Variants in ALOX15B observed in about 807,000 individuals in gnomAD.
The protein encoded by ALOX15B is polyunsaturated fatty acid lipoxygenase ALOX15B.
A neutral mutation model predicts 73.8 loss-of-function variants in ALOX15B; 74 were observed. The observed-to-expected ratio is 1.00, with a 90% CI of 0.83 to 1.22. ALOX15B has a LOEUF of 1.22. Ranked by LOEUF, ALOX15B falls within the 50% of genes most tolerant of loss-of-function variation. The probability of loss-of-function intolerance (pLI) is 0.00; values close to 1 mark genes in which losing one functional copy is unlikely to be tolerated. For missense variants in ALOX15B, 896 were observed against 859.9 expected (o/e 1.04, Z -0.52); for synonymous variants, 353 against 357.2 (o/e 0.99, Z 0.13).
At chr17:8,043,787 G>A (rs993906984) in intron 5 of ALOX15B, among the ~76,000 whole-genome samples, 4 of 152,098 alleles carry the variant, frequency 2.6e-5, no homozygotes, top group African/African-American at 7.2e-5. Flanking sequence ...CCCAGGCTCC[G>A]GCTGGGCGCA....
rs770026383 is a variant in ALOX15B at position 8,039,890 on chromosome 17, C to T, written c.368-12C>T. 5.0e-6 allele frequency: 8 copies of T among 1,608,900 alleles called. No individual in the cohort carries two copies. The South Asian group carries it at 8.8e-5, about 18-fold the overall frequency. ...TCTCTCCCCACCCCAACCTACTCCC[C>T]TTCTCCCACAGCCAAGGTGTCCTGG... On this transcript the variant is annotated splice_polypyrimidine_tract_variant and intron_variant, in intron 2 of 13. Transcript: ENST00000380183.
chr17:8,042,351 T>TCCCTCTCTA lies in ALOX15B; in HGVS notation c.450-12_450-4dup. ...CCCTGAGGCCTCTTGCTGACCACCT[T>TCCCTCTCTA]CCCTCTCTACCCTCCAGGTGGAAGG... is the stretch of plus-strand genomic sequence containing the variant. On this transcript the variant is annotated splice_polypyrimidine_tract_variant and intron_variant, in intron 3 of 13. Coordinates refer to ENST00000380183, the MANE Select transcript of ALOX15B (RefSeq NM_001141.3). 1.9e-6 allele frequency: 3 copies of TCCCTCTCTA among 1,613,000 alleles called. No homozygotes were observed. The highest frequency in any genetic ancestry group is 2.5e-6 in the Non-Finnish European group (3 of 1,179,614).
At position 8,043,830 on chromosome 17, in the gene ALOX15B, A is replaced by C. The variant is rs189600270; in HGVS notation, c.676+946A>C. 3.9e-5 allele frequency among the ~76,000 whole-genome samples: 6 copies of C among 152,234 alleles called. No individual in the cohort carries two copies. In the East Asian group the frequency reaches 1.2e-3, roughly 29 times the overall value. On this transcript the variant is annotated intron_variant, in intron 5 of 13. Transcript: ENST00000380183. ...ACACCTGTAATCCCAGCACTTTGGAAGGCCAAGGTAGGTAGATTGCATGAG... is the reference window on the plus strand; with the variant it reads ...ACACCTGTAATCCCAGCACTTTGGACGGCCAAGGTAGGTAGATTGCATGAG...
At chr17:8,044,688 C>A in intron 5 of ALOX15B, 141 bp from the exon 6 acceptor site, 1 of 695,358 alleles carries the variant, frequency 1.4e-6, no homozygotes, top group Non-Finnish European at 2.4e-6. Context: ...AGACAAGGGG[C>A]AGGGGAGGTA....
In ALOX15B at chr17:8,048,579, A is replaced by T. The variant is rs775841262; in HGVS notation, c.*14A>T. On this transcript the variant is annotated 3_prime_UTR_variant, in exon 14 of 14. Coordinates refer to ENST00000380183, the MANE Select transcript of ALOX15B (RefSeq NM_001141.3). ...GTCTCCATCTAAATCCCAGGGGAAC[A>T]CAGGCCCAGATGACATCCCTTTGAC... 6.2e-6 allele frequency: 10 copies of T among 1,611,558 alleles called. No individual in the cohort carries two copies. The highest frequency in any genetic ancestry group is 8.5e-6 in the Non-Finnish European group (10 of 1,178,498).
Position 8,039,286 on chromosome 17 carries a change from A to G in ALOX15B, c.131A>G (p.Glu44Gly), listed in dbSNP as rs774901569. ...PPLPLDNLGK[E>G]FTAGAEEDFQ... ...CTGCCCCTGGACAATCTCGGCAAGGAGTTCACTGCGGGCGCTGTGAGTGCG... is the reference window on the plus strand; with the variant it reads ...CTGCCCCTGGACAATCTCGGCAAGGGGTTCACTGCGGGCGCTGTGAGTGCG... Residue 44 changes from glutamate to glycine, a missense_variant, in exon 1 of 14, where the codon GAG (glutamate) becomes GGG (glycine). Glu to Gly is a moderately conservative substitution (Grantham distance 98). Coordinates refer to ENST00000380183, the MANE Select transcript of ALOX15B (RefSeq NM_001141.3). The G allele has an allele frequency of 6.3e-6, 10 of 1,587,330 alleles. No homozygotes were observed. The South Asian group carries it at 1.2e-4, about 18-fold the overall frequency.
chr17:8,045,500 C>T lies in ALOX15B; in HGVS notation c.1014C>T (p.Gly338=), dbSNP rs1976582634. Residue 338 remains glycine, a synonymous_variant, in exon 8 of 14, where the codon GGC becomes GGT. Coordinates refer to ENST00000380183, the MANE Select transcript of ALOX15B (RefSeq NM_001141.3). The part of the protein sequence containing the change: ...PLAIQLSQTP[G]PNSPIFLPTD... ...CCCCCCAGCTCAGCCAGACCCCCGG[C>T]CCAAACAGCCCCATCTTCCTGCCCA... 1 of 1,614,052 alleles carries T rather than the reference C, an allele frequency of 6.2e-7. No individual in the cohort carries two copies. Among genetic ancestry groups the T allele is most frequent in the Non-Finnish European group, 8.5e-7 (1 of 1,180,036 alleles).
At position 8,047,867 on chromosome 17, in the gene ALOX15B, T is replaced by G. The variant is rs765917209; in HGVS notation, c.1803T>G (p.Cys601Trp). 12 of 1,614,172 alleles carry G rather than the reference T, an allele frequency of 7.4e-6. No homozygotes were observed. The East Asian group carries it at 2.7e-4, about 36-fold the overall frequency. The change falls in exon 13 of 14, where the codon TGT becomes TGG. Residue 601 changes from cysteine (C) to tryptophan (W), a missense_variant. Cys to Trp is a radical substitution (Grantham distance 215, BLOSUM62 -2). Transcript: ENST00000380183. Reference sequence around the variant, plus strand: ...CCCTCCCACCTGTCAATGCCACATGTGATGTCATCCTTGCTCTCTGGTTGC... The same window carrying G: ...CCCTCCCACCTGTCAATGCCACATGGGATGTCATCCTTGCTCTCTGGTTGC... ...IATLPPVNATCDVILALWLLS... is the reference protein window; with the variant it reads ...IATLPPVNATWDVILALWLLS...
At chr17:8,040,670 C>T (rs1023485870) in intron 3 of ALOX15B, among the ~76,000 whole-genome samples, 1 of 137,070 alleles carries the variant, frequency 7.3e-6, no homozygotes, top group Admixed American at 7.1e-5. Context: ...GAGAAAGAAA[C>T]TGCTTTAAAT....
intron 6 of ALOX15B, 68 bp from the exon 7 acceptor site, chr17:8,045,170 C>A: frequency 6.2e-7 from 1 of 1,609,628 alleles, no homozygotes. Context: ...GAATCCTCTC[C>A]CTTCTACAAC....
rs1258471156 is a variant in ALOX15B, at chr17:8,044,986, G to T, written c.834G>T (p.Leu278Phe). ...CAGTGTTGGGTCCTGGGACCAGCTT[G>T]CAGGCTGAGCTAGAGGTGAGGGGTG... is the stretch of plus-strand genomic sequence containing the variant. ...VASVLGPGTS[L>F]QAELEKGSLF... The change falls in exon 6 of 14, where the codon TTG (leucine) becomes TTT (phenylalanine). Residue 278 changes from leucine to phenylalanine, a missense_variant. By Grantham distance (22) the Leu-to-Phe change is conservative (BLOSUM62 0). Coordinates refer to ENST00000380183, the MANE Select transcript of ALOX15B (RefSeq NM_001141.3). 6.2e-7 allele frequency: 1 copy of T among 1,614,176 alleles called. No individual in the cohort carries two copies. Among genetic ancestry groups the T allele is most frequent in the East Asian group, 2.2e-5 (1 of 44,888 alleles).
Position 8,047,573 on chromosome 17 carries a change from C to T in ALOX15B, c.1589C>T (p.Ser530Phe), listed in dbSNP as rs1043933934. Residue 530 changes from serine to phenylalanine, a missense_variant, in exon 12 of 14, where the codon TCC (serine) becomes TTC (phenylalanine). Ser to Phe is a radical substitution (Grantham distance 155). Coordinates refer to ENST00000380183, the MANE Select transcript of ALOX15B (RefSeq NM_001141.3). ...FLNQESSGIP[S>F]SLETREALVQ... ...CCAGCTCTCCTTGCAGGTATACCCT[C>T]CTCACTGGAGACCCGGGAAGCCCTG... 1 of 1,604,754 alleles carries T rather than the reference C, an allele frequency of 6.2e-7. No individual in the cohort carries two copies. The highest frequency in any genetic ancestry group is 8.5e-7 in the Non-Finnish European group (1 of 1,175,672).
intron 5 of ALOX15B, among the ~76,000 whole-genome samples, chr17:8,044,105 GAGGAAGGAAGGAAGGAAGGAAGGAAGGA>G (rs556498649): frequency 5.3e-4 from 33 of 62,380 alleles, no homozygotes; most frequent in Admixed American, 1.4e-3. Flanking sequence ...GAGAGAGAGA[GAGGAAGGAAGGAAGGAAGGAAGGAAGGA>G]AGGAAGGAAG....
In ALOX15B at chr17:8,048,763, A is replaced by C; in HGVS notation, c.*198A>C. 2 of 572,932 alleles carry C rather than the reference A, an allele frequency of 3.5e-6. No homozygotes were observed. Among genetic ancestry groups the C allele is most frequent in the Non-Finnish European group, 5.8e-6 (2 of 343,174 alleles). 35.5% of individuals were successfully genotyped at this position (572,932 alleles called of 1,614,324 possible). On this transcript the variant is annotated 3_prime_UTR_variant, in exon 14 of 14. Coordinates refer to ENST00000380183, the MANE Select transcript of ALOX15B (RefSeq NM_001141.3). Reference sequence around the variant, plus strand: ...AAAATCAAAACAGAGAAAGCAGAAAATCTACCAAGAACAGAGTCTCAGGAC... The same window carrying C: ...AAAATCAAAACAGAGAAAGCAGAAACTCTACCAAGAACAGAGTCTCAGGAC...
In ALOX15B at chr17:8,047,380, G is replaced by A. The variant is rs145336673; in HGVS notation, c.1579+1G>A. The A allele has an allele frequency of 4.3e-6, 7 of 1,613,670 alleles. No homozygotes were observed. The African/African-American group carries it at 6.7e-5, about 15-fold the overall frequency. On this transcript the variant is annotated splice_donor_variant, in intron 11 of 13. Coordinates refer to ENST00000380183, the MANE Select transcript of ALOX15B (RefSeq NM_001141.3). LOFTEE classifies it high-confidence loss of function. Reference sequence around the variant, plus strand: ...GGCTTCCTAAACCAGGAGAGCTCAGGTACAGGGACCTCAGCCCTCAGGCGC... The same window carrying A: ...GGCTTCCTAAACCAGGAGAGCTCAGATACAGGGACCTCAGCCCTCAGGCGC...
rs1371755315 is a variant in ALOX15B at position 8,048,409 on chromosome 17, T to C, written c.1875T>C (p.Asp625=). The part of the protein sequence containing the change: ...GDQRPLGTYP[D]EHFTEEAPRR... ...AGAGGCCCCTGGGCACCTATCCGGATGAGCACTTCACAGAGGAGGCCCCTC... is the reference window on the plus strand; with the variant it reads ...AGAGGCCCCTGGGCACCTATCCGGACGAGCACTTCACAGAGGAGGCCCCTC... The change falls in exon 14 of 14, where the codon GAT becomes GAC. Residue 625 remains aspartate (D), a synonymous_variant. Coordinates refer to ENST00000380183, the MANE Select transcript of ALOX15B (RefSeq NM_001141.3). The C allele has an allele frequency of 1.2e-6, 2 of 1,613,594 alleles. No homozygotes were observed. The highest frequency in any genetic ancestry group is 4.5e-5 in the East Asian group (2 of 44,872).
chr17:8,045,650 C>T lies in ALOX15B; in HGVS notation c.1164C>T (p.Thr388=), dbSNP rs1472560407. The T allele has an allele frequency of 1.2e-6, 2 of 1,613,984 alleles. No individual in the cohort carries two copies. Among genetic ancestry groups the T allele is most frequent in the Non-Finnish European group, 1.7e-6 (2 of 1,180,044 alleles). ...TGCCTGAGGTCTTCACCCTGGCTACCCTGCGTCAGCTGCCCCACTGCCACC... is the reference window on the plus strand; with the variant it reads ...TGCCTGAGGTCTTCACCCTGGCTACTCTGCGTCAGCTGCCCCACTGCCACC... The part of the protein sequence containing the change: ...HLLPEVFTLA[T]LRQLPHCHPL... Residue 388 remains threonine, a synonymous_variant, in exon 8 of 14, where the codon ACC becomes ACT. Transcript: ENST00000380183.
In ALOX15B at chr17:8,042,814, C is replaced by T. The variant is rs373709924; in HGVS notation, c.606C>T (p.Asp202=). 27 of 1,559,810 alleles carry T rather than the reference C, an allele frequency of 1.7e-5. No individual in the cohort carries two copies. In the South Asian group the frequency reaches 3.1e-4, roughly 18 times the overall value. The change falls in exon 5 of 14, where the codon GAC becomes GAT. Residue 202 remains aspartate, a synonymous_variant. Transcript: ENST00000380183. ...FAEMKIKGLL[D]RKGLWRSLNE... The stretch of plus-strand genomic sequence containing the variant: ...AGATGAAAATCAAGGGGTTGCTGGA[C>T]CGCAAGGGGCTCTGGAGGAGTCTGA...
rs1012306959 is a variant in ALOX15B at position 8,044,819 on chromosome 17, C to A, written c.677-10C>A. 3.7e-6 allele frequency: 6 copies of A among 1,610,580 alleles called. No homozygotes were observed. The East Asian group carries it at 1.1e-4, about 30-fold the overall frequency. On this transcript the variant is annotated splice_polypyrimidine_tract_variant and intron_variant, in intron 5 of 13. Coordinates refer to ENST00000380183, the MANE Select transcript of ALOX15B (RefSeq NM_001141.3). ...AGTGACCCCGTTCCCCTGTCCCCCA[C>A]CCCCTGCAGAGCACGCATTTGAGCA...
Sources: allele counts gnomAD v4.1 joint callset (sites outside exome capture counted in the v4.1 genomes callset), GRCh38; gene constraint gnomAD v4.1.1; transcripts MANE v1.5; gene names NCBI Gene and HGNC (gene_info 2026-07-23, HGNC 2026-07-21).